The following EVI5 variants were observed in gnomAD, a reference collection of about 807,000 sequenced individuals.
EVI5 encodes the protein ecotropic viral integration site 5 protein homolog.
A neutral mutation model predicts 112.0 loss-of-function variants in EVI5; 73 were observed. The observed-to-expected ratio is 0.65, with a 90% CI of 0.54 to 0.79. The LOEUF is 0.79. Ranked by LOEUF, EVI5 falls within the 30% of genes least tolerant of loss-of-function variation. The pLI, the probability that EVI5 is intolerant of heterozygous loss-of-function variation, is 0.00. For synonymous variants in EVI5, 305 were observed against 319.9 expected (o/e 0.95, Z 0.50); for missense variants, 900 against 968.8 (o/e 0.93, Z 0.94).
At chr1:92,625,508 A>G (rs3790450) in intron 15 of EVI5, among the ~76,000 whole-genome samples, 30,017 of 152,184 alleles carry the variant, frequency 0.2, 3,523 homozygotes, top group Middle Eastern at 0.26. Flanking sequence ...TGTATTATAT[A>G]GAACACTTTC....
intron 2 of EVI5, among the ~76,000 whole-genome samples, chr1:92,706,036 C>T (rs894075071): frequency 3.3e-5 from 5 of 151,862 alleles, no homozygotes; most frequent in East Asian, 1.9e-4. Context: ...TTCAATAATA[C>T]AACAGTATAA....
intron 1 of EVI5, chr1:92,784,198 A>G: frequency 3.8e-6 from 2 of 529,670 alleles, no homozygotes; most frequent in Non-Finnish European, 4.8e-6. Flanking sequence ...AGACAGACAC[A>G]GGGAAATCAC....
At chr1:92,525,381 T>C (rs113823550) in intron 19 of EVI5, among the ~76,000 whole-genome samples, 19,158 of 149,904 alleles carry the variant, frequency 0.13, 1,407 homozygotes, top group Middle Eastern at 0.18. Flanking sequence ...GCAATTCTCC[T>C]GCTCAGCCTC....
chr1:92,541,359 T>C (rs1161518532), intron 19 of EVI5, among the ~76,000 whole-genome samples: 3 of 152,202 alleles, frequency 2.0e-5, no homozygotes, highest in Admixed American at 1.3e-4. Context: ...CTGAAGAAGC[T>C]ATAAATGGCC....
At chr1:92,638,077 AT>A (rs1202114270) in intron 13 of EVI5, among the ~76,000 whole-genome samples, 1 of 152,060 alleles carries the variant, frequency 6.6e-6, no homozygotes, top group Admixed American at 6.6e-5. Flanking sequence ...TACTGGAAGA[AT>A]TTTTTTGCCC....
rs200618250 is a variant in EVI5, at chr1:92,607,752, G to C, written c.1828-25C>G. On this transcript the variant is annotated intron_variant, in intron 16 of 19. Coordinates refer to ENST00000684568, the MANE Select transcript of EVI5 (RefSeq NM_001350197.2). ...TCTAATAATCAGAAATATAAATACT[G>C]AGACTATAGATACAAGACCTAAAAA... 4.0e-4 allele frequency: 605 copies of C among 1,524,850 alleles called. 6 individuals carry two copies. The Middle Eastern group carries it at 6.0e-3, about 15-fold the overall frequency. 94.5% of individuals were successfully genotyped at this position (1,524,850 alleles called of 1,614,324 possible).
At chr1:92,536,234 T>G (rs951526250) in intron 19 of EVI5, among the ~76,000 whole-genome samples, 24 of 152,190 alleles carry the variant, frequency 1.6e-4, no homozygotes, top group African/African-American at 5.8e-4. Flanking sequence ...AGAGATCGGA[T>G]TTTAGAATTT....
chr1:92,642,204 A>T (rs1660122302), intron 13 of EVI5, among the ~76,000 whole-genome samples: 2 of 152,182 alleles, frequency 1.3e-5, no homozygotes, highest in African/African-American at 4.8e-5. Context: ...TACATCCTTT[A>T]AGAAGACATT....
chr1:92,727,844 C>T (rs921692213), intron 2 of EVI5, among the ~76,000 whole-genome samples: 12 of 151,512 alleles, frequency 7.9e-5, no homozygotes, highest in Middle Eastern at 3.2e-3. Flanking sequence ...AGTGGGACCC[C>T]ATCTCTTAAA....
intron 18 of EVI5, among the ~76,000 whole-genome samples, chr1:92,601,693 G>A (rs1184944273): frequency 6.6e-6 from 1 of 151,958 alleles, no homozygotes; most frequent in African/African-American, 2.4e-5. Context: ...GGTTACCAGG[G>A]GCTAGATGCG....
chr1:92,694,422 G>C, intron 7 of EVI5, 34 bp from the exon 8 acceptor site: 1 of 1,228,048 alleles, frequency 8.1e-7, no homozygotes, highest in Non-Finnish European at 1.2e-6. Flanking sequence ...CCAAATTTAT[G>C]TTACTCTTCC....
chr1:92,710,370 T>C (rs905895476), intron 2 of EVI5, among the ~76,000 whole-genome samples: 1 of 151,552 alleles, frequency 6.6e-6, no homozygotes, highest in African/African-American at 2.4e-5. Context: ...GGGGGGATGG[T>C]GGGGGAATAA....
At chr1:92,523,172 T>G (rs1661248858) in intron 19 of EVI5, among the ~76,000 whole-genome samples, 1 of 152,184 alleles carries the variant, frequency 6.6e-6, no homozygotes, top group East Asian at 1.9e-4. Flanking sequence ...ATTATAGATG[T>G]GAGCCACGGT....
intron 1 of EVI5, among the ~76,000 whole-genome samples, chr1:92,748,121 CAT>C (rs1452210922): frequency 6.6e-6 from 1 of 152,116 alleles, no homozygotes; most frequent in African/African-American, 2.4e-5. Context: ...CACATCTTCC[CAT>C]AGAGTGGTGA....
At chr1:92,547,683 T>G (rs547824303) in intron 19 of EVI5, among the ~76,000 whole-genome samples, 115 of 152,178 alleles carry the variant, frequency 7.6e-4, no homozygotes, top group African/African-American at 2.4e-3. Context: ...CGATCCCACA[T>G]ACATACAAAC....
intron 19 of EVI5, among the ~76,000 whole-genome samples, chr1:92,554,325 T>C (rs921684922): frequency 1.3e-5 from 2 of 152,186 alleles, no homozygotes; most frequent in East Asian, 3.9e-4. Context: ...GCCAGCAGGA[T>C]CATGGTAGGG....
intron 19 of EVI5, among the ~76,000 whole-genome samples, chr1:92,553,144 A>G (rs1172108130): frequency 6.6e-6 from 1 of 151,676 alleles, no homozygotes; most frequent in Non-Finnish European, 1.5e-5. Context: ...TTATTTATTT[A>G]TTTTGAGACA....
At chr1:92,757,560 T>C (rs1681134356) in intron 1 of EVI5, among the ~76,000 whole-genome samples, 1 of 151,972 alleles carries the variant, frequency 6.6e-6, no homozygotes, top group Non-Finnish European at 1.5e-5. Context: ...GTATATGGAT[T>C]TATGCACTAA....
At chr1:92,611,534 T>TAAAA (rs763503738) in intron 16 of EVI5, among the ~76,000 whole-genome samples, 2 of 122,734 alleles carry the variant, frequency 1.6e-5, no homozygotes, top group South Asian at 5.1e-4. Context: ...CTGTCTCTAC[T>TAAAA]AAAAAAAAAA....
Sources: gnomAD v4.1 joint callset for allele counts (sites outside exome capture counted in the v4.1 genomes callset) on GRCh38, gnomAD v4.1.1 for gene constraint, MANE v1.5 for transcripts, NCBI Gene and HGNC (gene_info 2026-07-23, HGNC 2026-07-21) for gene names.